Variants in HECW1 observed in about 807,000 individuals in gnomAD.
The protein encoded by HECW1 is HECT, C2 and WW domain containing E3 ubiquitin protein ligase 1.
A neutral mutation model predicts 182.3 loss-of-function variants in HECW1; 61 were observed. That is an observed-to-expected ratio of 0.33 (90% CI 0.27 to 0.41). HECW1 has a LOEUF of 0.41. Ranked by LOEUF, HECW1 falls within the 10% of genes least tolerant of loss-of-function variation. The pLI is 1.00. For missense variants in HECW1, 1,739 were observed against 2,108.9 expected, an observed-to-expected ratio of 0.82 and a Z score of 3.44; for synonymous variants, 859 against 832.6, an observed-to-expected ratio of 1.03 and a Z score of -0.55.
intron 16 of HECW1, among the ~76,000 whole-genome samples, chr7:43,478,630 G>T (rs1371342688): frequency 1.3e-5 from 2 of 152,162 alleles, no homozygotes; most frequent in East Asian, 3.9e-4. Context: ...AGATCTTGAT[G>T]TGAAGAAAAT....
chr7:43,437,325 T>C (rs913788308), intron 8 of HECW1, among the ~76,000 whole-genome samples: 1 of 151,992 alleles, frequency 6.6e-6, no homozygotes, highest in African/African-American at 2.4e-5. Flanking sequence ...AGTTTCCTCT[T>C]TGTAAACAGT....
intron 2 of HECW1, among the ~76,000 whole-genome samples, chr7:43,154,349 T>C (rs1789652535): frequency 6.6e-6 from 1 of 152,212 alleles, no homozygotes; most frequent in Middle Eastern, 3.2e-3. Context: ...AATTTTTCCT[T>C]ACTAGTTAAA....
intron 6 of HECW1, among the ~76,000 whole-genome samples, chr7:43,364,487 G>A (rs1438068262): frequency 6.6e-6 from 1 of 152,252 alleles, no homozygotes; most frequent in East Asian, 1.9e-4. Flanking sequence ...CTCCAGTACT[G>A]GAGCGTGAAG....
intron 26 of HECW1, among the ~76,000 whole-genome samples, chr7:43,549,526 C>T (rs1000979742): frequency 6.6e-6 from 1 of 152,190 alleles, no homozygotes; most frequent in Non-Finnish European, 1.5e-5. Flanking sequence ...AAGATTACCC[C>T]CTTCATACAT....
At chr7:43,341,616 G>A (rs566837474) in intron 5 of HECW1, among the ~76,000 whole-genome samples, 16 of 151,830 alleles carry the variant, frequency 1.1e-4, no homozygotes, top group African/African-American at 3.9e-4. Context: ...TATAAGTTAG[G>A]CAAATGTGAA....
At chr7:43,202,206 A>G (rs2152690153) in intron 2 of HECW1, among the ~76,000 whole-genome samples, 2 of 152,310 alleles carry the variant, frequency 1.3e-5, no homozygotes, top group South Asian at 4.1e-4. Flanking sequence ...CAGAATTTGA[A>G]CACAGAGTCT....
intron 2 of HECW1, among the ~76,000 whole-genome samples, chr7:43,180,827 T>C (rs758284734): frequency 1.3e-5 from 2 of 152,230 alleles, no homozygotes; most frequent in Non-Finnish European, 2.9e-5. Context: ...CTCAAACATA[T>C]ATAATTTCTT....
intron 3 of HECW1, chr7:43,249,103 C>G (rs761332666): frequency 1.3e-5 from 2 of 152,438 alleles, no homozygotes; most frequent in African/African-American, 4.8e-5. Flanking sequence ...CGCCCTCTGC[C>G]CCCTAGGTGC....
At chr7:43,295,267 G>T (rs574712102) in intron 3 of HECW1, among the ~76,000 whole-genome samples, 1 of 152,268 alleles carries the variant, frequency 6.6e-6, no homozygotes, top group East Asian at 1.9e-4. Context: ...CATTTTTATA[G>T]TTGTGAGGGA....
intron 2 of HECW1, among the ~76,000 whole-genome samples, chr7:43,119,473 C>A (rs185345878): frequency 7.2e-5 from 11 of 152,270 alleles, no homozygotes; most frequent in African/African-American, 1.7e-4. Context: ...CCTTTAAATG[C>A]GGGTACGGGG....
rs777392756 is a variant in HECW1, at chr7:43,444,377, C to T, written c.1205C>T (p.Pro402Leu). Residue 402 changes from proline to leucine, a missense_variant, in exon 11 of 30, where the codon CCC becomes CTC. This residue lies in a region of HECW1 where 971 missense variants were observed against 1,029.1 expected (regional missense o/e 0.94). Transcript: ENST00000395891. The surrounding 1 kb of genome is among the most constrained non-coding windows in gnomAD (Gnocchi z 4.3). ...KPEQLGEGSV[P>L]DGPGNQSIEL... is the part of the protein sequence containing the mutation. ...GAGCAGCTGGGTGAGGGCAGTGTCCCCGATGGTCCAGGGAACCAAAGCATA... is the reference window on the plus strand; with the variant it reads ...GAGCAGCTGGGTGAGGGCAGTGTCCTCGATGGTCCAGGGAACCAAAGCATA... 1.2e-6 allele frequency: 2 copies of T among 1,614,050 alleles called. No individual in the cohort carries two copies. The highest frequency in any genetic ancestry group is 2.2e-5 in the South Asian group (2 of 91,066).
intron 10 of HECW1, among the ~76,000 whole-genome samples, chr7:43,443,108 A>G (rs1222931186): frequency 2.0e-5 from 3 of 152,272 alleles, no homozygotes; most frequent in South Asian, 2.1e-4. Context: ...ATAGGACAGA[A>G]AACTCCAGAA....
chr7:43,270,486 G>C (rs1430846401), intron 3 of HECW1, among the ~76,000 whole-genome samples: 1 of 152,220 alleles, frequency 6.6e-6, no homozygotes, highest in Non-Finnish European at 1.5e-5. Flanking sequence ...GACTGAGGTA[G>C]AAGCTGCAGT....
chr7:43,261,855 A>G (rs1181216963), intron 3 of HECW1, among the ~76,000 whole-genome samples: 1 of 151,600 alleles, frequency 6.6e-6, no homozygotes, highest in Non-Finnish European at 1.5e-5. Context: ...TTTGTTTTTT[A>G]TTTTTTATTT....
intron 7 of HECW1, among the ~76,000 whole-genome samples, chr7:43,407,101 A>T (rs2075636401): frequency 6.6e-6 from 1 of 152,140 alleles, no homozygotes; most frequent in East Asian, 1.9e-4. Context: ...CGATTTTCAA[A>T]GCCCTGCCCT....
chr7:43,480,834 C>G (rs6970884), intron 17 of HECW1, among the ~76,000 whole-genome samples: 25,808 of 151,930 alleles, frequency 0.17, 2,644 homozygotes, highest in South Asian at 0.23. Context: ...CTGCAGCCAC[C>G]TCCTCCAGAT....
intron 3 of HECW1, among the ~76,000 whole-genome samples, chr7:43,299,141 C>G (rs769058951): frequency 6.6e-5 from 10 of 152,166 alleles, no homozygotes; most frequent in Non-Finnish European, 1.3e-4. Context: ...TGAAAAATGT[C>G]TTAGTGAGAT....
intron 5 of HECW1, among the ~76,000 whole-genome samples, chr7:43,324,672 CAATT>C (rs2152784561): frequency 6.6e-6 from 1 of 152,224 alleles, no homozygotes; most frequent in South Asian, 2.1e-4. Flanking sequence ...GTAATAAACA[CAATT>C]AATCTAATTG....
At chr7:43,118,101 A>G (rs1785221579) in intron 2 of HECW1, 1 of 152,612 alleles carries the variant, frequency 6.6e-6, no homozygotes, top group South Asian at 2.1e-4. Flanking sequence ...TGTGCCCATG[A>G]TGACAAATGC....
Sources: gnomAD v4.1 joint callset for allele counts (sites outside exome capture counted in the v4.1 genomes callset) on GRCh38, gnomAD v4.1.1 for gene constraint, gnomAD v4.1.1 regional missense constraint, Gnocchi (gnomAD v3.1) non-coding constraint, MANE v1.5 for transcripts, NCBI Gene and HGNC (gene_info 2026-07-23, HGNC 2026-07-21) for gene names.